RPS6KA2: variants seen among roughly 807,000 people sequenced by gnomAD.
RPS6KA2 encodes ribosomal protein S6 kinase alpha-2.
In RPS6KA2, 42 loss-of-function variants were observed where a neutral mutation model predicts 91.8. That is an observed-to-expected ratio of 0.46 (90% CI 0.36 to 0.59). The LOEUF (loss-of-function observed/expected upper bound fraction) is 0.59, where lower values mean the gene tolerates loss of function less well. Ranked by LOEUF, RPS6KA2 falls within the 20% of genes least tolerant of loss-of-function variation. The pLI, the probability that RPS6KA2 is intolerant of heterozygous loss-of-function variation, is 0.00. For synonymous variants in RPS6KA2, 414 were observed against 393.6 expected, an observed-to-expected ratio of 1.05 and a Z score of -0.61; for missense variants, 798 against 978.5, an observed-to-expected ratio of 0.82 and a Z score of 2.46.
intron 1 of RPS6KA2, among the ~76,000 whole-genome samples, chr6:166,581,459 G>A (rs1303421127): frequency 6.6e-6 from 1 of 151,984 alleles, no homozygotes; most frequent in Non-Finnish European, 1.5e-5. Context: ...CTTCTCCTAC[G>A]CTCCACTGTC....
chr6:166,830,600 A>G (rs942208267), intron 2 of RPS6KA2, among the ~76,000 whole-genome samples: 3 of 152,232 alleles, frequency 2.0e-5, no homozygotes, highest in African/African-American at 7.2e-5. Flanking sequence ...GAAATGACAC[A>G]TGCAGAGTTC....
chr6:166,739,797 C>T (rs1040134572), intron 2 of RPS6KA2, among the ~76,000 whole-genome samples: 5 of 152,172 alleles, frequency 3.3e-5, no homozygotes, highest in African/African-American at 9.7e-5. Flanking sequence ...TAAGTGTGCA[C>T]GGGGCTTGGC....
At chr6:166,695,062 C>T (rs911540598) in intron 2 of RPS6KA2, among the ~76,000 whole-genome samples, 2 of 152,112 alleles carry the variant, frequency 1.3e-5, no homozygotes, top group African/African-American at 2.4e-5. Flanking sequence ...GCTAATATTC[C>T]GGTGGAGAAA....
intron 1 of RPS6KA2, among the ~76,000 whole-genome samples, chr6:166,858,963 C>G (rs1296446230): frequency 2.1e-5 from 3 of 145,354 alleles, no homozygotes; most frequent in Non-Finnish European, 4.6e-5. Flanking sequence ...CACGGGAGAG[C>G]TCCACGGAAG....
intron 19 of RPS6KA2, among the ~76,000 whole-genome samples, chr6:166,417,620 TACACACACACACACAC>T (rs10568123): frequency 5.4e-5 from 8 of 148,492 alleles, no homozygotes; most frequent in Admixed American, 1.4e-4. Context: ...TCTCTCTCTA[TACACACACACACACAC>T]ACACACACAC....
At chr6:166,532,508 G>A (rs1783317518) in intron 2 of RPS6KA2, among the ~76,000 whole-genome samples, 2 of 152,158 alleles carry the variant, frequency 1.3e-5, no homozygotes, top group South Asian at 2.1e-4. Context: ...TCAGTGTCAC[G>A]CTCTCACCAT....
intron 2 of RPS6KA2, among the ~76,000 whole-genome samples, chr6:166,744,066 C>T (rs1790903922): frequency 6.6e-6 from 1 of 152,168 alleles, no homozygotes; most frequent in Non-Finnish European, 1.5e-5. Flanking sequence ...AATTCATACC[C>T]TGAGCACCTG....
Position 166,701,674 on chromosome 6 carries a change from G to A in RPS6KA2, c.123+156526C>T, listed in dbSNP as rs1294750075. On this transcript the variant is annotated intron_variant, in intron 2 of 21. Transcript: ENST00000503859. ...AGTCATGGCTGAAGGGGGCCCTGAG[G>A]TGGGAGGTGGCATCCCTGAAGTGGG... 2.4e-6 allele frequency: 3 copies of A among 1,266,136 alleles called. No homozygotes were observed. The Admixed American group carries it at 5.1e-5, about 21-fold the overall frequency. The allele number at this position is 1,266,136 out of a possible 1,614,324, so 78.4% of individuals were successfully genotyped here. A position where few individuals can be genotyped will look rare whatever the true frequency, so the allele number is the denominator to read the frequency against.
In RPS6KA2 at chr6:166,544,876, A is replaced by G. The variant is rs565155675; in HGVS notation, c.100-6092T>C. ...TACAACAAGTTTCCCTTCCATTTCT[A>G]AAAAGCTAAATATAAGTGAGCCATT... On this transcript the variant is annotated intron_variant, in intron 1 of 20. Coordinates refer to ENST00000265678, the MANE Select transcript of RPS6KA2 (RefSeq NM_021135.6). Among the ~76,000 whole-genome samples the G allele has an allele frequency of 5.3e-5, 8 of 152,356 alleles. No homozygotes were observed. The East Asian group carries it at 1.3e-3, about 26-fold the overall frequency.
At chr6:166,776,208 G>A (rs1039520050) in intron 2 of RPS6KA2, among the ~76,000 whole-genome samples, 3 of 152,146 alleles carry the variant, frequency 2.0e-5, no homozygotes, top group Admixed American at 6.5e-5. Context: ...GAATGATCTC[G>A]CTACACCCAC....
At chr6:166,654,908 G>A (rs2128555308) in intron 2 of RPS6KA2, among the ~76,000 whole-genome samples, 1 of 152,234 alleles carries the variant, frequency 6.6e-6, no homozygotes, top group East Asian at 1.9e-4. Flanking sequence ...AGGATGTGGG[G>A]CAATAGCTCC....
intron 2 of RPS6KA2, among the ~76,000 whole-genome samples, chr6:166,790,125 G>A (rs933971819): frequency 3.3e-5 from 5 of 152,110 alleles, no homozygotes; most frequent in African/African-American, 1.2e-4. Flanking sequence ...AAAAAAATTA[G>A]ACGAATGGAT....
chr6:166,852,683 G>A lies in RPS6KA2; in HGVS notation c.123+5517C>T, dbSNP rs1337707832. On this transcript the variant is annotated intron_variant, in intron 2 of 21. Transcript: ENST00000503859. The surrounding 1 kb of genome is among the most constrained non-coding windows in gnomAD (Gnocchi z 4.1). The stretch of plus-strand genomic sequence containing the variant: ...CAGCAACGGCTCGGCAACTCCGGGA[G>A]CTGGGCATTGGAGGAGGCCACGCTG... Among the ~76,000 whole-genome samples, 3 of 152,080 alleles carry A rather than the reference G, an allele frequency of 2.0e-5. No individual in the cohort carries two copies. The highest frequency in any genetic ancestry group is 4.4e-5 in the Non-Finnish European group (3 of 67,996).
intron 2 of RPS6KA2, among the ~76,000 whole-genome samples, chr6:166,697,628 G>A (rs1213124965): frequency 6.6e-6 from 1 of 152,220 alleles, no homozygotes; most frequent in East Asian, 1.9e-4. Flanking sequence ...CTTGGTTGCT[G>A]GATGACCTGG....
rs1289466271 is a variant in RPS6KA2 at position 166,770,836 on chromosome 6, A to C, written c.123+87364T>G. The C allele has an allele frequency of 1.3e-6, 2 of 1,567,744 alleles. No individual in the cohort carries two copies. Among genetic ancestry groups the C allele is most frequent in the Non-Finnish European group, 1.7e-6 (2 of 1,171,568 alleles). On this transcript the variant is annotated intron_variant, in intron 2 of 21. Coordinates refer to the RPS6KA2 transcript ENST00000503859. This position sits in a 1 kb window ranked among gnomAD's most constrained non-coding sequence, Gnocchi z 5.1. ...ATGTAACTCACATAAGCATGGAAAA[A>C]AACAAACCCACAGGAACGCTTCTTA... is the stretch of plus-strand genomic sequence containing the variant.
Position 166,685,038 on chromosome 6 carries a change from C to T in RPS6KA2, c.124-146254G>A, listed in dbSNP as rs191270225. The stretch of plus-strand genomic sequence containing the variant: ...GAGATGTCACTGCGGGATGGTAGCT[C>T]CAGAGCCCTGCAAGGGCCAACCGGC... On this transcript the variant is annotated intron_variant, in intron 2 of 21. Transcript: ENST00000503859. Among the ~76,000 whole-genome samples the T allele has an allele frequency of 1.8e-3, 274 of 152,342 alleles. 1 individual carries two copies. The highest frequency in any genetic ancestry group is 6.5e-3 in the African/African-American group (270 of 41,578).
At chr6:166,764,020 C>G (rs1778239534) in intron 2 of RPS6KA2, among the ~76,000 whole-genome samples, 1 of 152,236 alleles carries the variant, frequency 6.6e-6, no homozygotes, top group African/African-American at 2.4e-5. Context: ...TGTTGTTCGG[C>G]TAGAAAGAAT....
rs534603806 is a variant in RPS6KA2 at position 166,860,279 on chromosome 6, C to T, written c.63+1829G>A. Among the ~76,000 whole-genome samples the T allele has an allele frequency of 5.3e-5, 8 of 152,284 alleles. No individual in the cohort carries two copies. The South Asian group carries it at 1.5e-3, about 28-fold the overall frequency. On this transcript the variant is annotated intron_variant, in intron 1 of 21. Coordinates refer to the RPS6KA2 transcript ENST00000503859. ...CCAGCTGTGCTCTCCTGAAAAAATT[C>T]AGCTAAGAAGCCTGAAAAAAATTTA...
At chr6:166,838,399 A>G (rs1780374847) in intron 2 of RPS6KA2, among the ~76,000 whole-genome samples, 1 of 152,216 alleles carries the variant, frequency 6.6e-6, no homozygotes, top group African/African-American at 2.4e-5. Context: ...TTTATTTTTC[A>G]GAGAGCCATA....
Sources: allele counts gnomAD v4.1 joint callset (sites outside exome capture counted in the v4.1 genomes callset), GRCh38; gene constraint gnomAD v4.1.1; non-coding constraint Gnocchi (gnomAD v3.1); transcripts MANE v1.5; gene names NCBI Gene and HGNC (gene_info 2026-07-23, HGNC 2026-07-21).